Variants in ABI1 observed in about 807,000 individuals in gnomAD.
ABI1 encodes the protein Abelson interactor 1.
Under a neutral mutation model 54.6 loss-of-function variants are expected in ABI1, and 14 were observed. The ratio of observed to expected loss-of-function variants is 0.26; its 90% CI spans 0.17 to 0.40. The LOEUF is 0.40. Among genes scored for constraint, ABI1 ranks in the 10% least tolerant of loss-of-function variants. The pLI, the probability that ABI1 is intolerant of heterozygous loss-of-function variation, is 1.00. For synonymous variants in ABI1, 194 were observed against 209.3 expected (o/e 0.93, Z 0.63); for missense variants, 443 against 598.3 (o/e 0.74, Z 2.71).
intron 2 of ABI1, among the ~76,000 whole-genome samples, chr10:26,779,601 T>C (rs1362436245): frequency 6.6e-6 from 1 of 152,200 alleles, no homozygotes; most frequent in Non-Finnish European, 1.5e-5. Flanking sequence ...AACAAATCTT[T>C]AGAACTTTGG....
At chr10:26,834,329 G>C (rs890563458) in intron 1 of ABI1, among the ~76,000 whole-genome samples, 1 of 151,936 alleles carries the variant, frequency 6.6e-6, no homozygotes, top group Admixed American at 6.6e-5. Flanking sequence ...AAGTCAAATG[G>C]AATTACATAA....
In ABI1 at chr10:26,746,898, A is replaced by G. The variant is rs1836986231; in HGVS notation, c.*1672T>C. 1 of 295,482 alleles carries G rather than the reference A, an allele frequency of 3.4e-6. No homozygotes were observed. The highest frequency in any genetic ancestry group is 2.2e-5 in the African/African-American group (1 of 46,112). 18.3% of individuals were successfully genotyped at this position (295,482 alleles called of 1,614,324 possible). On this transcript the variant is annotated 3_prime_UTR_variant, in exon 11 of 11. Transcript: ENST00000376140. ...ATTTTAACAGTATCCAAAATTTCAT[A>G]TAGGAGAATGGTTTATTATAAAAGA... is the stretch of plus-strand genomic sequence containing the variant.
intron 2 of ABI1, among the ~76,000 whole-genome samples, chr10:26,781,949 T>C (rs1331017893): frequency 1.3e-5 from 2 of 152,194 alleles, no homozygotes; most frequent in Non-Finnish European, 2.9e-5. Flanking sequence ...GACTCTATGT[T>C]CCTGATGCAG....
intron 1 of ABI1, among the ~76,000 whole-genome samples, chr10:26,847,182 T>C (rs994909715): frequency 5.3e-5 from 8 of 152,226 alleles, no homozygotes; most frequent in Admixed American, 5.2e-4. Flanking sequence ...TATATTTCAT[T>C]TTACTGTGCA....
At chr10:26,801,360 A>C (rs2046546195) in intron 2 of ABI1, among the ~76,000 whole-genome samples, 1 of 152,136 alleles carries the variant, frequency 6.6e-6, no homozygotes, top group Non-Finnish European at 1.5e-5. Context: ...CAGCCTGGGC[A>C]ATATGGCAAA....
At chr10:26,804,446 G>GA (rs1334463139) in intron 2 of ABI1, among the ~76,000 whole-genome samples, 2 of 151,838 alleles carry the variant, frequency 1.3e-5, no homozygotes, top group African/African-American at 4.8e-5. Flanking sequence ...AAGCTGCCAG[G>GA]AAACAGCAGA....
At chr10:26,757,226 A>T (rs555839985) in intron 8 of ABI1, among the ~76,000 whole-genome samples, 20 of 151,984 alleles carry the variant, frequency 1.3e-4, no homozygotes, top group East Asian at 3.9e-4. Flanking sequence ...CTACTACTAC[A>T]ACACCAACAG....
chr10:26,788,128 T>C (rs944747156), intron 2 of ABI1, among the ~76,000 whole-genome samples: 3 of 152,182 alleles, frequency 2.0e-5, no homozygotes, highest in African/African-American at 7.2e-5. Context: ...TGGTAGTGAA[T>C]AAGTCTCACG....
chr10:26,834,888 AGGTCAG>A (rs1202242579), intron 1 of ABI1, among the ~76,000 whole-genome samples: 1 of 152,128 alleles, frequency 6.6e-6, no homozygotes, highest in Non-Finnish European at 1.5e-5. Flanking sequence ...AAATCACTTG[AGGTCAG>A]GACTTTGAGA....
intron 1 of ABI1, among the ~76,000 whole-genome samples, chr10:26,854,566 T>C (rs1017588264): frequency 3.9e-5 from 6 of 152,168 alleles, no homozygotes; most frequent in African/African-American, 9.7e-5. Context: ...TGTAATGACA[T>C]GGTATGGGTC....
intron 1 of ABI1, among the ~76,000 whole-genome samples, chr10:26,837,325 T>G (rs1331770605): frequency 4.6e-5 from 7 of 152,094 alleles, no homozygotes; most frequent in Non-Finnish European, 1.0e-4. Flanking sequence ...GAGACCAATC[T>G]CTGTTGTCAT....
At chr10:26,856,044 T>C (rs1053689484) in intron 1 of ABI1, among the ~76,000 whole-genome samples, 1 of 137,304 alleles carries the variant, frequency 7.3e-6, no homozygotes, top group African/African-American at 3.0e-5. Context: ...CCCAACTCCA[T>C]GGGAGACTGA....
intron 8 of ABI1, among the ~76,000 whole-genome samples, chr10:26,758,521 C>T (rs1005663773): frequency 6.6e-6 from 1 of 152,106 alleles, no homozygotes; most frequent in Non-Finnish European, 1.5e-5. Context: ...AGAAAGAAAT[C>T]AAAAGAAATT....
At chr10:26,827,221 CCTT>C (rs1426857091) in intron 1 of ABI1, among the ~76,000 whole-genome samples, 2 of 149,052 alleles carry the variant, frequency 1.3e-5, no homozygotes, top group Non-Finnish European at 3.0e-5. Flanking sequence ...CCTGGTTTGA[CCTT>C]CTTTTTTTTT....
chr10:26,811,729 TTG>T (rs2047239950), intron 2 of ABI1, among the ~76,000 whole-genome samples: 1 of 12,336 alleles, frequency 8.1e-5, no homozygotes, highest in Non-Finnish European at 3.7e-4. Flanking sequence ...TGACAAAGAT[TTG>T]TATAAATTTG....
At position 26,839,616 on chromosome 10, in the gene ABI1, C is replaced by A; in HGVS notation, c.118-16311G>T. 4.9e-6 allele frequency: 3 copies of A among 608,744 alleles called. No homozygotes were observed. The South Asian group carries it at 6.1e-5, about 12-fold the overall frequency. 37.7% of individuals were successfully genotyped at this position (608,744 alleles called of 1,614,324 possible). On this transcript the variant is annotated intron_variant, in intron 1 of 10. Coordinates refer to ENST00000376140, the MANE Select transcript of ABI1 (RefSeq NM_001012750.3). ...TTAACACTGTCACAATCAGCACCAC[C>A]CTTAACTGACTTGAGAAAAAGAAGT...
At chr10:26,799,151 C>T (rs117437212) in intron 2 of ABI1, among the ~76,000 whole-genome samples, 2,267 of 152,050 alleles carry the variant, frequency 0.015, 43 homozygotes, top group African/African-American at 0.046. Flanking sequence ...TTAGAAGAGG[C>T]AATTTTTTTA....
Position 26,751,707 on chromosome 10 carries a change from T to G in ABI1, c.1161A>C (p.Pro387=), listed in dbSNP as rs572768904. The G allele has an allele frequency of 4.2e-4, 674 of 1,613,132 alleles. 9 individuals carry two copies. In the Admixed American group the frequency reaches 9.7e-3, roughly 23 times the overall value. ...CTTCATAATCCACTGGTGGTGGTGG[T>G]GGGGGAGGTGGAGAGTCATCAAACA... ...IPMFDDSPPP[P]PPPPVDYEDE... Residue 387 remains proline, a synonymous_variant, in exon 10 of 11, where the codon CCA becomes CCC. Transcript: ENST00000376140.
chr10:26,832,310 C>T (rs2048728746), intron 1 of ABI1, among the ~76,000 whole-genome samples: 1 of 152,136 alleles, frequency 6.6e-6, no homozygotes, highest in Admixed American at 6.5e-5. Flanking sequence ...TGGCCGGGCG[C>T]AGTGGCTCAC....
Sources: allele counts gnomAD v4.1 joint callset (sites outside exome capture counted in the v4.1 genomes callset), GRCh38; gene constraint gnomAD v4.1.1; transcripts MANE v1.5; gene names NCBI Gene and HGNC (gene_info 2026-07-23, HGNC 2026-07-21).